DSCAML1: variants seen among roughly 807,000 people sequenced by gnomAD.
The protein encoded by DSCAML1 is cell adhesion molecule DSCAML1.
A neutral mutation model predicts 200.5 loss-of-function variants in DSCAML1; 38 were observed. The observed-to-expected ratio is 0.19, with a 90% CI of 0.15 to 0.25. The LOEUF (loss-of-function observed/expected upper bound fraction) is 0.25, where lower values mean the gene tolerates loss of function less well. Among genes scored for constraint, DSCAML1 ranks in the 10% least tolerant of loss-of-function variants. The pLI is 1.00. For synonymous variants in DSCAML1, 1,215 were observed against 1,165.0 expected (o/e 1.04, Z -0.87); for missense variants, 2,223 against 2,858.8 (o/e 0.78, Z 5.07).
At chr11:117,590,562 T>G (rs1429194654) in intron 3 of DSCAML1, among the ~76,000 whole-genome samples, 2 of 152,104 alleles carry the variant, frequency 1.3e-5, no homozygotes, top group African/African-American at 4.8e-5. Flanking sequence ...ACACCGTCCT[T>G]CCAGGGGTCT....
intron 15 of DSCAML1, 52 bp downstream of exon 15, chr11:117,471,817 G>A: frequency 7.6e-7 from 1 of 1,316,320 alleles, no homozygotes; most frequent in South Asian, 1.7e-5. Flanking sequence ...TAGGCCCCTG[G>A]TGGTCCTGAT....
chr11:117,755,707 G>A (rs567223126), intron 3 of DSCAML1, among the ~76,000 whole-genome samples: 3 of 152,286 alleles, frequency 2.0e-5, no homozygotes, highest in Admixed American at 1.3e-4. Context: ...CTTTCCTTTT[G>A]ATGGAGTCAC....
chr11:117,501,072 T>A (rs999272008), intron 11 of DSCAML1, among the ~76,000 whole-genome samples: 2 of 152,122 alleles, frequency 1.3e-5, no homozygotes, highest in Non-Finnish European at 1.5e-5. Flanking sequence ...AGGAATGGTT[T>A]CTCCTGCTGA....
intron 3 of DSCAML1, among the ~76,000 whole-genome samples, chr11:117,712,736 C>A (rs1371433715): frequency 6.6e-6 from 1 of 152,110 alleles, no homozygotes; most frequent in African/African-American, 2.4e-5. Context: ...TCACTCTGCT[C>A]ACCAAACCAG....
intron 3 of DSCAML1, among the ~76,000 whole-genome samples, chr11:117,696,709 T>C (rs73596610): frequency 7.3e-5 from 11 of 151,088 alleles, no homozygotes; most frequent in Non-Finnish European, 1.5e-4. Context: ...CAGTGGAGAG[T>C]TTCCCAAGCG....
intron 14 of DSCAML1, among the ~76,000 whole-genome samples, chr11:117,477,382 GTGTGTGTGTA>G (rs760579350): frequency 3.7e-3 from 487 of 130,758 alleles, no homozygotes; most frequent in Middle Eastern, 7.6e-3. Flanking sequence ...GTGTGTGTGT[GTGTGTGTGTA>G]TGTGTGTGTG....
intron 8 of DSCAML1, among the ~76,000 whole-genome samples, chr11:117,515,281 G>A (rs2049736748): frequency 6.6e-6 from 1 of 152,086 alleles, no homozygotes. Flanking sequence ...CCCAACCCCT[G>A]TAGCCTGGTT....
intron 2 of DSCAML1, among the ~76,000 whole-genome samples, chr11:117,779,355 C>T (rs2055191195): frequency 6.6e-6 from 1 of 152,122 alleles, no homozygotes; most frequent in South Asian, 2.1e-4. Context: ...CCTTGGCCTC[C>T]CGACATAATC....
chr11:117,627,762 G>A (rs950289954), intron 3 of DSCAML1, among the ~76,000 whole-genome samples: 9 of 152,056 alleles, frequency 5.9e-5, no homozygotes, highest in African/African-American at 2.2e-4. Flanking sequence ...GGCTGAATGC[G>A]GCTGAGCTGG....
intron 19 of DSCAML1, among the ~76,000 whole-genome samples, chr11:117,451,215 A>T (rs150070591): frequency 1.3e-5 from 2 of 152,288 alleles, no homozygotes; most frequent in East Asian, 1.9e-4. Flanking sequence ...GTCACTAGGA[A>T]ATCCATCCTA....
At chr11:117,562,181 A>G (rs1338490166) in intron 3 of DSCAML1, among the ~76,000 whole-genome samples, 1 of 152,168 alleles carries the variant, frequency 6.6e-6, no homozygotes. Context: ...GGGGCATGGA[A>G]GTGGCCCTCT....
intron 3 of DSCAML1, among the ~76,000 whole-genome samples, chr11:117,703,695 A>C (rs1313658182): frequency 6.6e-6 from 1 of 152,180 alleles, no homozygotes; most frequent in African/African-American, 2.4e-5. Context: ...AAGGCAGCCG[A>C]GTGAATGTGG....
At chr11:117,739,751 T>C (rs1306000300) in intron 3 of DSCAML1, among the ~76,000 whole-genome samples, 2 of 152,156 alleles carry the variant, frequency 1.3e-5, no homozygotes, top group Non-Finnish European at 2.9e-5. Context: ...CAAACCAGGA[T>C]GAGTTGATCA....
At chr11:117,501,976 A>G (rs568287006) in intron 11 of DSCAML1, among the ~76,000 whole-genome samples, 1 of 152,122 alleles carries the variant, frequency 6.6e-6, no homozygotes, top group Non-Finnish European at 1.5e-5. Flanking sequence ...ATGGGGCCCC[A>G]TAGGTGAGCC....
intron 31 of DSCAML1, 129 bp downstream of exon 31, chr11:117,431,405 G>C (rs2047789952): frequency 1.2e-6 from 1 of 842,398 alleles, no homozygotes; most frequent in Non-Finnish European, 1.8e-6. Context: ...TGACCAGCTA[G>C]ACATGAAACT....
intron 3 of DSCAML1, among the ~76,000 whole-genome samples, chr11:117,716,082 G>A (rs1380598602): frequency 1.3e-5 from 2 of 152,246 alleles, no homozygotes; most frequent in Non-Finnish European, 1.5e-5. Flanking sequence ...GCTGACGCCT[G>A]TTGGTTGTGT....
At chr11:117,758,909 A>T (rs1359680045) in intron 3 of DSCAML1, among the ~76,000 whole-genome samples, 4 of 152,122 alleles carry the variant, frequency 2.6e-5, no homozygotes, top group Non-Finnish European at 5.9e-5. Context: ...GTACTCCTCC[A>T]TCGAGGAGGA....
chr11:117,476,239 T>C (rs1475085697), intron 14 of DSCAML1, among the ~76,000 whole-genome samples: 1 of 152,120 alleles, frequency 6.6e-6, no homozygotes, highest in Non-Finnish European at 1.5e-5. Context: ...GAGAGGGGAC[T>C]GGGAATCTTT....
chr11:117,788,862 G>A (rs2055409689), intron 1 of DSCAML1, among the ~76,000 whole-genome samples: 1 of 152,218 alleles, frequency 6.6e-6, no homozygotes, highest in South Asian at 2.1e-4. Flanking sequence ...GCAGGCACAT[G>A]ACAGGCTAGA....
Sources: allele counts gnomAD v4.1 joint callset (sites outside exome capture counted in the v4.1 genomes callset), GRCh38; gene constraint gnomAD v4.1.1; transcripts MANE v1.5; gene names NCBI Gene and HGNC (gene_info 2026-07-23, HGNC 2026-07-21).